The following WSB2 variants were observed in gnomAD, a reference collection of about 807,000 sequenced individuals.
WSB2 encodes WD repeat and SOCS box-containing protein 2.
A neutral mutation model predicts 48.8 loss-of-function variants in WSB2; 12 were observed. That is an observed-to-expected ratio of 0.25 (90% CI 0.16 to 0.40). The LOEUF is 0.40. WSB2 is among the 10% of genes least tolerant of loss of function. The pLI is 1.00. For synonymous variants in WSB2, 191 were observed against 203.1 expected (o/e 0.94, Z 0.51); for missense variants, 317 against 506.2 (o/e 0.63, Z 3.59).
chr12:118,036,533 G>C (rs1889409216), intron 5 of WSB2, 23 bp from the exon 6 acceptor site: 1 of 1,596,514 alleles, frequency 6.3e-7, no homozygotes, highest in African/African-American at 1.3e-5. Flanking sequence ...AGAAGTGCCT[G>C]GTTAGGGCAG....
intron 4 of WSB2, 62 bp downstream of exon 4, chr12:118,042,779 A>G: frequency 6.4e-7 from 1 of 1,574,800 alleles, no homozygotes. Context: ...TGACACTGGT[A>G]AAGTGGAGAA....
chr12:118,034,777 A>G (rs2031467656), intron 8 of WSB2: 1 of 577,684 alleles, frequency 1.7e-6, no homozygotes, highest in Admixed American at 3.3e-5. Context: ...GGCATGACTT[A>G]CAGATCTTTA....
intron 1 of WSB2, 22 bp downstream of exon 1, chr12:118,061,014 G>A (rs1457771346): frequency 6.1e-6 from 6 of 975,896 alleles, no homozygotes; most frequent in Non-Finnish European, 7.3e-6. Context: ...GGGCGGGAAC[G>A]GGCGCGCCCG....
intron 2 of WSB2, among the ~76,000 whole-genome samples, chr12:118,044,718 G>GA (rs2031710820): frequency 6.6e-6 from 1 of 152,136 alleles, no homozygotes; most frequent in South Asian, 2.1e-4. Context: ...CTGCGCCCAG[G>GA]AAACAATGTC....
chr12:118,042,840 C>A lies in WSB2; in HGVS notation c.559+1G>T. On this transcript the variant is annotated splice_donor_variant, in intron 4 of 8. Coordinates refer to ENST00000315436, the MANE Select transcript of WSB2 (RefSeq NM_018639.5). LOFTEE classifies it high-confidence loss of function. Reference sequence around the variant, plus strand: ...CCGAGTAGTTCCTTCACTTCCCATACCGTGTTTATTCAGGTCCCAGATGCG... The same window carrying A: ...CCGAGTAGTTCCTTCACTTCCCATAACGTGTTTATTCAGGTCCCAGATGCG... 1.9e-6 allele frequency: 3 copies of A among 1,613,970 alleles called. No individual in the cohort carries two copies. Among genetic ancestry groups the A allele is most frequent in the Non-Finnish European group, 2.5e-6 (3 of 1,179,956 alleles).
rs190769739 is a variant in WSB2, at chr12:118,041,912, G to A, written c.559+929C>T. 8.6e-5 allele frequency among the ~76,000 whole-genome samples: 13 copies of A among 151,856 alleles called. No homozygotes were observed. The Middle Eastern group carries it at 0.01, about 119-fold the overall frequency. On this transcript the variant is annotated intron_variant, in intron 4 of 8. Coordinates refer to ENST00000315436, the MANE Select transcript of WSB2 (RefSeq NM_018639.5). ...TGGGACTACAGGCGCCCACCACCAC[G>A]CCCAGCTCATTTTTGTATTTTTTAG...
intron 4 of WSB2, among the ~76,000 whole-genome samples, chr12:118,041,261 A>G (rs1684946137): frequency 6.6e-6 from 1 of 152,156 alleles, no homozygotes; most frequent in South Asian, 2.1e-4. Flanking sequence ...AGCCTCAGGA[A>G]TGGGATTAGT....
chr12:118,034,764 G>A (rs2031467121), intron 8 of WSB2: 1 of 562,020 alleles, frequency 1.8e-6, no homozygotes, highest in East Asian at 3.0e-5. Flanking sequence ...TGGCCCATTA[G>A]GTGGCATGAC....
At chr12:118,039,537 G>A (rs1228516090) in intron 4 of WSB2, among the ~76,000 whole-genome samples, 1 of 152,072 alleles carries the variant, frequency 6.6e-6, no homozygotes, top group Non-Finnish European at 1.5e-5. Context: ...ATATGGAAGG[G>A]TATATACTCC....
At chr12:118,049,835 A>G (rs75692718) in intron 2 of WSB2, among the ~76,000 whole-genome samples, 2,355 of 152,292 alleles carry the variant, frequency 0.015, 47 homozygotes, top group African/African-American at 0.048. Flanking sequence ...ATTCCCTCTT[A>G]TCAAGGCAAG....
chr12:118,048,756 C>A (rs2031792749), intron 2 of WSB2, among the ~76,000 whole-genome samples: 2 of 152,006 alleles, frequency 1.3e-5, no homozygotes, highest in Non-Finnish European at 2.9e-5. Flanking sequence ...TTCATCTATA[C>A]AAATTTATGT....
chr12:118,049,794 A>G (rs1224127857), intron 2 of WSB2, among the ~76,000 whole-genome samples: 1 of 152,192 alleles, frequency 6.6e-6, no homozygotes. Flanking sequence ...AGCAGCATGC[A>G]GAGTACCCAT....
rs781441613 is a variant in WSB2 at position 118,035,305 on chromosome 12, C to A, written c.853G>T (p.Ala285Ser). The A allele has an allele frequency of 7.4e-6, 12 of 1,613,974 alleles. No homozygotes were observed. Among genetic ancestry groups the A allele is most frequent in the Middle Eastern group, 1.7e-4 (1 of 6,058 alleles). The change falls in exon 7 of 9, where the codon GCC (alanine) becomes TCC (serine). Residue 285 changes from alanine (A) to serine (S), a missense_variant. Transcript: ENST00000315436. ...ATGTGGACGTCACTGTCATCCATGG[C>A]GGGGTCAACCTGGGTGTGGCTGGGA... is the stretch of plus-strand genomic sequence containing the variant. ...RSLHHTQVDP[A>S]MDDSDVHISS... is the part of the protein sequence containing the mutation.
At chr12:118,036,552 T>G (rs1312530226) in intron 5 of WSB2, 42 bp from the exon 6 acceptor site, 1 of 1,560,680 alleles carries the variant, frequency 6.4e-7, no homozygotes, top group Non-Finnish European at 8.7e-7. Flanking sequence ...AGAAGCAAAG[T>G]GCTTAGGACT....
rs1218365638 is a variant in WSB2, at chr12:118,060,770, G to A, written c.13+266C>T. On this transcript the variant is annotated intron_variant, in intron 1 of 8. Coordinates refer to ENST00000315436, the MANE Select transcript of WSB2 (RefSeq NM_018639.5). This position sits in a 1 kb window ranked among gnomAD's most constrained non-coding sequence, Gnocchi z 4.1. Reference sequence around the variant, plus strand: ...GGAGCCCCCTCTGTCCCGGTCGGGGGATCTCCTCCCGCAGAAGCCCGATCT... The same window carrying A: ...GGAGCCCCCTCTGTCCCGGTCGGGGAATCTCCTCCCGCAGAAGCCCGATCT... 6.6e-6 allele frequency among the ~76,000 whole-genome samples: 1 copy of A among 151,960 alleles called. No individual in the cohort carries two copies. Among genetic ancestry groups the A allele is most frequent in the African/African-American group, 2.4e-5 (1 of 41,398 alleles).
chr12:118,058,522 C>T (rs542465267), intron 1 of WSB2, among the ~76,000 whole-genome samples: 3 of 151,564 alleles, frequency 2.0e-5, no homozygotes, highest in South Asian at 2.1e-4. Context: ...GCCTATAGTT[C>T]GGTATTTTTT....
chr12:118,062,034 G>C, upstream of WSB2: 2 of 1,472,508 alleles, frequency 1.4e-6, no homozygotes, highest in East Asian at 5.0e-5. Flanking sequence ...AAACCGGAGT[G>C]GGGGTGGGAA....
chr12:118,060,973 C>G lies in WSB2; in HGVS notation c.13+63G>C, dbSNP rs1487561404. ...AGCCCGCCCCGGGGTCGCCTCCCCC[C>G]TCCCCGGGGAGAACGGGCCAGGGCC... On this transcript the variant is annotated intron_variant, in intron 1 of 8. Coordinates refer to ENST00000315436, the MANE Select transcript of WSB2 (RefSeq NM_018639.5). This position sits in a 1 kb window ranked among gnomAD's most constrained non-coding sequence, Gnocchi z 4.1. 2 of 851,244 alleles carry G rather than the reference C, an allele frequency of 2.3e-6. No homozygotes were observed. Among genetic ancestry groups the G allele is most frequent in the Non-Finnish European group, 2.8e-6 (2 of 706,318 alleles). The allele number at this position is 851,244 out of a possible 1,614,324, so 52.7% of individuals were successfully genotyped here. A position where few individuals can be genotyped will look rare whatever the true frequency, so the allele number is the denominator to read the frequency against.
rs7963217 is a variant in WSB2, at chr12:118,051,749, G to T, written c.182+561C>A. On this transcript the variant is annotated intron_variant, in intron 2 of 8. Transcript: ENST00000315436. ...AGCACTTCGGGAGGCCGAGGTGGGT[G>T]AATCACTTGAGGTCAGGAGTTTGAG... 4.6e-5 allele frequency among the ~76,000 whole-genome samples: 7 copies of T among 152,350 alleles called. No individual in the cohort carries two copies. In the East Asian group the frequency reaches 5.8e-4, roughly 13 times the overall value.
Sources: gnomAD v4.1 joint callset for allele counts (sites outside exome capture counted in the v4.1 genomes callset) on GRCh38, gnomAD v4.1.1 for gene constraint, Gnocchi (gnomAD v3.1) non-coding constraint, MANE v1.5 for transcripts, NCBI Gene and HGNC (gene_info 2026-07-23, HGNC 2026-07-21) for gene names.